The following ALDH3A2 variants were observed in gnomAD, a reference collection of about 807,000 sequenced individuals.
ALDH3A2 encodes aldehyde dehydrogenase family 3 member A2.
In ALDH3A2, 36 loss-of-function variants were observed where a neutral mutation model predicts 51.3. The observed-to-expected ratio is 0.70, with a 90% CI of 0.54 to 0.93. ALDH3A2 has a LOEUF of 0.93. Ranked by LOEUF, ALDH3A2 falls within the 40% of genes least tolerant of loss-of-function variation. The pLI, the probability that ALDH3A2 is intolerant of heterozygous loss-of-function variation, is 0.00. For synonymous variants in ALDH3A2, 199 were observed against 219.8 expected (o/e 0.91, Z 0.84); for missense variants, 552 against 603.1 (o/e 0.92, Z 0.89).
intron 9 of ALDH3A2, chr17:19,675,121 C>T (rs1398399867): frequency 6.2e-6 from 1 of 162,596 alleles, no homozygotes; most frequent in African/African-American, 2.4e-5. Context: ...TTGCAGCAGC[C>T]CTTCCTCAGT....
intron 5 of ALDH3A2, among the ~76,000 whole-genome samples, chr17:19,658,719 G>A (rs2084929085): frequency 6.7e-6 from 1 of 148,642 alleles, no homozygotes; most frequent in African/African-American, 2.5e-5. Flanking sequence ...CTGCACTCCA[G>A]CCTGGGCGAC....
rs1011091985 is a variant in ALDH3A2 at position 19,654,386 on chromosome 17, G to A, written c.471+1754G>A. On this transcript the variant is annotated intron_variant, in intron 3 of 9. Coordinates refer to ENST00000176643, the MANE Select transcript of ALDH3A2 (RefSeq NM_000382.3). This position sits in a 1 kb window ranked among gnomAD's most constrained non-coding sequence, Gnocchi z 4.5. Reference sequence around the variant, plus strand: ...GGGGCGGCGCCCATCAGGGAGGCTCGGGCAGCATGGGAACCCACCAGGGGC... The same window carrying A: ...GGGGCGGCGCCCATCAGGGAGGCTCAGGCAGCATGGGAACCCACCAGGGGC... Among the ~76,000 whole-genome samples the A allele has an allele frequency of 6.6e-6, 1 of 152,232 alleles. No individual in the cohort carries two copies. Among genetic ancestry groups the A allele is most frequent in the African/African-American group, 2.4e-5 (1 of 41,460 alleles).
Position 19,676,069 on chromosome 17 carries a change from G to A in ALDH3A2, c.*497G>A, listed in dbSNP as rs2085183496. On this transcript the variant is annotated 3_prime_UTR_variant, in exon 10 of 10. Transcript: ENST00000176643. ...GGTTTCAGGCACTAAAACTCTATGT[G>A]GGGAAGGGAGGGGTTACTCCTCCTC... 1 of 166,346 alleles carries A rather than the reference G, an allele frequency of 6.0e-6. No individual in the cohort carries two copies. The highest frequency in any genetic ancestry group is 5.7e-5 in the Admixed American group (1 of 17,616). The allele number at this position is 166,346 out of a possible 1,614,324, so 10.3% of individuals were successfully genotyped here.
At chr17:19,651,903 A>C in intron 2 of ALDH3A2, 125 bp downstream of exon 2, 4 of 857,862 alleles carry the variant, frequency 4.7e-6, no homozygotes, top group Non-Finnish European at 7.6e-6. Context: ...TTACACCACC[A>C]GTGTACTGAG....
At chr17:19,651,449 G>T in intron 1 of ALDH3A2, 98 bp from the exon 2 acceptor site, 1 of 1,017,684 alleles carries the variant, frequency 9.8e-7, no homozygotes, top group Non-Finnish European at 1.6e-6. Context: ...AATGCCAGTT[G>T]TTGTCACTAC....
Position 19,663,513 on chromosome 17 carries a change from A to G in ALDH3A2, c.1107+14A>G, listed in dbSNP as rs777668701. Reference sequence around the variant, plus strand: ...CATAACCATAAGGTAAGCTTTAGAGAGAACAGCTAGTTAGCATAAGCAACT... The same window carrying G: ...CATAACCATAAGGTAAGCTTTAGAGGGAACAGCTAGTTAGCATAAGCAACT... On this transcript the variant is annotated intron_variant, in intron 7 of 9. Transcript: ENST00000176643. 6.2e-7 allele frequency: 1 copy of G among 1,613,462 alleles called. No individual in the cohort carries two copies. Among genetic ancestry groups the G allele is most frequent in the South Asian group, 1.1e-5 (1 of 90,912 alleles).
In ALDH3A2 at chr17:19,671,647, C is replaced by T. The variant is rs2085114870; in HGVS notation, c.1208-74C>T. On this transcript the variant is annotated intron_variant, in intron 8 of 9. Transcript: ENST00000176643. ...GCAGCAGGGAGTGCATGTGAGCTTT[C>T]CCGGTCGTTGTTAGACAGAAGTAGC... is the stretch of plus-strand genomic sequence containing the variant. 1.4e-5 allele frequency: 18 copies of T among 1,331,390 alleles called. No individual in the cohort carries two copies. The South Asian group carries it at 2.0e-4, about 15-fold the overall frequency. The allele number at this position is 1,331,390 out of a possible 1,614,324, so 82.5% of individuals were successfully genotyped here.
chr17:19,667,645 A>T (rs1219282556), intron 8 of ALDH3A2, among the ~76,000 whole-genome samples: 1 of 151,930 alleles, frequency 6.6e-6, no homozygotes, highest in East Asian at 1.9e-4. Context: ...TGCAACCTCC[A>T]ACTCCTGGGT....
intron 8 of ALDH3A2, among the ~76,000 whole-genome samples, chr17:19,667,426 TA>T (rs1316023662): frequency 9.9e-5 from 15 of 152,232 alleles, no homozygotes; most frequent in Admixed American, 9.8e-4. Context: ...ATTACTCTGT[TA>T]AAAGGGCTTA....
At chr17:19,671,409 G>T (rs1387760076) in intron 8 of ALDH3A2, among the ~76,000 whole-genome samples, 5 of 152,236 alleles carry the variant, frequency 3.3e-5, no homozygotes, top group Non-Finnish European at 1.5e-5. Flanking sequence ...CACCAAGTGG[G>T]ATTGTGGTGA....
At chr17:19,653,067 T>C (rs1220889077) in intron 3 of ALDH3A2, among the ~76,000 whole-genome samples, 1 of 151,442 alleles carries the variant, frequency 6.6e-6, no homozygotes, top group Non-Finnish European at 1.5e-5. Flanking sequence ...TTTTTTGAGA[T>C]GGAATCTTGC....
intron 8 of ALDH3A2, among the ~76,000 whole-genome samples, chr17:19,667,296 T>C (rs1296773049): frequency 5.3e-5 from 8 of 152,240 alleles, no homozygotes; most frequent in Non-Finnish European, 8.8e-5. Context: ...GGCATATTTA[T>C]GTAACCAATT....
At chr17:19,661,546 C>T in intron 6 of ALDH3A2, 1 of 396,688 alleles carries the variant, frequency 2.5e-6, no homozygotes, top group South Asian at 2.8e-5. Context: ...CAGAATAGAA[C>T]TTGATGTAAT....
At chr17:19,665,969 G>T (rs2085031492) in intron 8 of ALDH3A2, among the ~76,000 whole-genome samples, 1 of 152,128 alleles carries the variant, frequency 6.6e-6, no homozygotes, top group African/African-American at 2.4e-5. Flanking sequence ...TGACCAAGGA[G>T]CCTTGACCTA....
At position 19,672,033 on chromosome 17, in the gene ALDH3A2, C is replaced by G. The variant is rs1426016710; in HGVS notation, c.1443+77C>G. 8.4e-6 allele frequency: 11 copies of G among 1,309,990 alleles called. No individual in the cohort carries two copies. In the East Asian group the frequency reaches 1.8e-4, roughly 22 times the overall value. 81.1% of individuals were successfully genotyped at this position (1,309,990 alleles called of 1,614,324 possible). ...CTGCCAGATGCATATTCTAGCAGGA[C>G]TCTACATTAACTTGTAGAGTCTAAG... On this transcript the variant is annotated intron_variant, in intron 9 of 9. Transcript: ENST00000176643.
At chr17:19,675,490 T>A in intron 9 of ALDH3A2, 68 bp from the exon 10 acceptor site, 1 of 1,532,090 alleles carries the variant, frequency 6.5e-7, no homozygotes, top group Non-Finnish European at 9.0e-7. Flanking sequence ...GAGCTTGTGT[T>A]GCAAGGCTGG....
intron 3 of ALDH3A2, among the ~76,000 whole-genome samples, chr17:19,655,109 G>A (rs114278965): frequency 0.014 from 2,071 of 152,288 alleles, 42 homozygotes; most frequent in African/African-American, 0.046. Flanking sequence ...TTATGATGCC[G>A]CGAAGAAATT....
intron 9 of ALDH3A2, chr17:19,674,303 C>T (rs1310908690): frequency 1.3e-5 from 2 of 152,046 alleles, no homozygotes; most frequent in African/African-American, 4.8e-5. Context: ...ATATTTTAGC[C>T]TCATGGAAAA....
At chr17:19,651,967 G>C (rs1418659230) in intron 2 of ALDH3A2, among the ~76,000 whole-genome samples, 189 bp downstream of exon 2, 1 of 152,116 alleles carries the variant, frequency 6.6e-6, no homozygotes, top group Non-Finnish European at 1.5e-5. Flanking sequence ...GATTTGTGTG[G>C]CTATGTTTTG....
Sources: allele counts gnomAD v4.1 joint callset (sites outside exome capture counted in the v4.1 genomes callset), GRCh38; gene constraint gnomAD v4.1.1; non-coding constraint Gnocchi (gnomAD v3.1); transcripts MANE v1.5; gene names NCBI Gene and HGNC (gene_info 2026-07-23, HGNC 2026-07-21).